Variants in HERC1 observed in about 807,000 individuals in gnomAD.
HERC1 encodes the protein probable E3 ubiquitin-protein ligase HERC1.
A neutral mutation model predicts 554.3 loss-of-function variants in HERC1; 160 were observed. The ratio of observed to expected loss-of-function variants is 0.29; its 90% CI spans 0.25 to 0.33. The LOEUF is 0.33. Ranked by LOEUF, HERC1 falls within the 10% of genes least tolerant of loss-of-function variation. HERC1 has a pLI of 1.00. For missense variants in HERC1, 4,919 were observed against 5,918.5 expected, an observed-to-expected ratio of 0.83 and a Z score of 5.54; for synonymous variants, 2,175 against 2,131.7, an observed-to-expected ratio of 1.02 and a Z score of -0.56.
intron 70 of HERC1, 32 bp from the exon 71 acceptor site, chr15:63,626,186 G>A (rs753504344): frequency 1.2e-6 from 2 of 1,601,088 alleles, no homozygotes; most frequent in African/African-American, 1.3e-5. Flanking sequence ...ACTTATGAAG[G>A]AAACAGCATT....
Position 63,756,680 on chromosome 15 carries a change from G to A in HERC1, c.1290C>T (p.Gly430=). The A allele has an allele frequency of 6.2e-7, 1 of 1,612,658 alleles. No homozygotes were observed. Among genetic ancestry groups the A allele is most frequent in the Non-Finnish European group, 8.5e-7 (1 of 1,179,172 alleles). The change falls in exon 5 of 78, where the codon GGC becomes GGT. Residue 430 remains glycine, a synonymous_variant. Coordinates refer to ENST00000443617, the MANE Select transcript of HERC1 (RefSeq NM_003922.4). The surrounding 1 kb of genome is among the most constrained non-coding windows in gnomAD (Gnocchi z 5.0). The part of the protein sequence containing the change: ...TDGSVRACGK[G]SYGRLGLGDS... ...CTCCAAGGCCCAGTCTCCCATAGCT[G>A]CCTTTCCCGCAAGCTCTAACAGAGC... is the stretch of plus-strand genomic sequence containing the variant.
At chr15:63,813,698 G>A (rs1187398765) in intron 1 of HERC1, among the ~76,000 whole-genome samples, 1 of 152,184 alleles carries the variant, frequency 6.6e-6, no homozygotes, top group Non-Finnish European at 1.5e-5. Flanking sequence ...ACCATTGTAT[G>A]CCTGTGTTTC....
At chr15:63,642,154 C>T (rs192096406) in intron 59 of HERC1, among the ~76,000 whole-genome samples, 4 of 152,164 alleles carry the variant, frequency 2.6e-5, no homozygotes, top group East Asian at 1.9e-4. Flanking sequence ...ATCAGCACAT[C>T]GGCTCTAATC....
Position 63,738,880 on chromosome 15 carries a change from G to A in HERC1, c.2521-4031C>T, listed in dbSNP as rs1364120557. On this transcript the variant is annotated intron_variant, in intron 12 of 77. Transcript: ENST00000443617. ...CCTTTTCAAAATCTTACACTACCCCGTTTCTGATAAATATTAAATCATCAC... is the reference window on the plus strand; with the variant it reads ...CCTTTTCAAAATCTTACACTACCCCATTTCTGATAAATATTAAATCATCAC... 3.3e-5 allele frequency among the ~76,000 whole-genome samples: 5 copies of A among 151,672 alleles called. No individual in the cohort carries two copies. In the South Asian group the frequency reaches 6.3e-4, roughly 19 times the overall value.
At chr15:63,800,330 C>T (rs1234012584) in intron 1 of HERC1, among the ~76,000 whole-genome samples, 1 of 152,220 alleles carries the variant, frequency 6.6e-6, no homozygotes, top group African/African-American at 2.4e-5. Flanking sequence ...ACTGACCTCT[C>T]CCCTTGCTCT....
chr15:63,661,607 C>A, intron 45 of HERC1, 146 bp downstream of exon 45: 1 of 777,742 alleles, frequency 1.3e-6, no homozygotes, highest in East Asian at 2.6e-5. Flanking sequence ...TCTGAAACCC[C>A]TCCATCCCTT....
intron 66 of HERC1, 97 bp downstream of exon 66, chr15:63,634,636 C>T (rs1406624027): frequency 2.1e-6 from 2 of 936,724 alleles, no homozygotes; most frequent in East Asian, 2.7e-5. Context: ...AGGTTAGGTA[C>T]AACTGGTGAT....
At chr15:63,642,934 A>T (rs553885393) in intron 59 of HERC1, 23 bp downstream of exon 59, 1 of 1,361,388 alleles carries the variant, frequency 7.3e-7, no homozygotes, top group East Asian at 2.3e-5. Context: ...ACACCCTATC[A>T]TTTGATATAA....
At chr15:63,681,572 G>A (rs951119536) in intron 34 of HERC1, among the ~76,000 whole-genome samples, 1 of 151,296 alleles carries the variant, frequency 6.6e-6, no homozygotes, top group Admixed American at 6.6e-5. Context: ...GACTGGTAAA[G>A]TTTCTTACAC....
At chr15:63,803,188 C>CA (rs1239191838) in intron 1 of HERC1, among the ~76,000 whole-genome samples, 1 of 151,588 alleles carries the variant, frequency 6.6e-6, no homozygotes, top group Non-Finnish European at 1.5e-5. Context: ...AACCCTGTCT[C>CA]AAAAAATAAA....
intron 14 of HERC1, among the ~76,000 whole-genome samples, chr15:63,732,212 G>C (rs189087851): frequency 6.6e-6 from 1 of 152,194 alleles, no homozygotes; most frequent in East Asian, 1.9e-4. Context: ...TATCGGCCAG[G>C]CTGGTCTCAA....
At chr15:63,719,057 T>G (rs2073692862) in intron 19 of HERC1, among the ~76,000 whole-genome samples, 160 bp from the exon 20 acceptor site, 2 of 152,226 alleles carry the variant, frequency 1.3e-5, no homozygotes, top group Admixed American at 1.3e-4. Context: ...TTCCAAGCGC[T>G]GTGGATATAG....
In HERC1 at chr15:63,690,655, G is replaced by T; in HGVS notation, c.5831-8C>A. The T allele has an allele frequency of 1.3e-6, 2 of 1,501,140 alleles. No individual in the cohort carries two copies. Among genetic ancestry groups the T allele is most frequent in the Non-Finnish European group, 1.8e-6 (2 of 1,086,594 alleles). The allele number at this position is 1,501,140 out of a possible 1,614,324, so 93.0% of individuals were successfully genotyped here. A position where few individuals can be genotyped will look rare whatever the true frequency, so the allele number is the denominator to read the frequency against. ...TACCAACCAGAGGGATACCTGGAGG[G>T]GAAAAGACCTTTTCTTATTATCAAT... On this transcript the variant is annotated splice_region_variant and splice_polypyrimidine_tract_variant and intron_variant, in intron 31 of 77. Transcript: ENST00000443617.
intron 19 of HERC1, among the ~76,000 whole-genome samples, chr15:63,719,508 C>A (rs1251076798): frequency 2.0e-5 from 3 of 152,234 alleles, no homozygotes; most frequent in Non-Finnish European, 4.4e-5. Context: ...AAATGAGAAG[C>A]AGCATTAGAA....
Position 63,689,612 on chromosome 15 carries a change from T to C in HERC1, c.6025A>G (p.Lys2009Glu), listed in dbSNP as rs1384125428. ...ACCTGTAGTTTTATTTCTTGTTCTT[T>C]TTCCTTTATCTGAATAGCATGTTTG... ...QAKHAIQIKE[K>E]EQEIKLQKQG... The change falls in exon 33 of 78, where the codon AAA (lysine) becomes GAA (glutamate). Residue 2009 changes from lysine to glutamate, a missense_variant. By Grantham distance (56) the Lys-to-Glu change is moderately conservative. Around this residue, in one of 11 missense-constraint regions of HERC1, gnomAD observed 1,121 missense variants for 1,244.0 expected, o/e 0.90. Coordinates refer to ENST00000443617, the MANE Select transcript of HERC1 (RefSeq NM_003922.4). 2 of 1,564,406 alleles carry C rather than the reference T, an allele frequency of 1.3e-6. No individual in the cohort carries two copies. Among genetic ancestry groups the C allele is most frequent in the South Asian group, 1.2e-5 (1 of 84,380 alleles).
At chr15:63,729,770 C>T in intron 14 of HERC1, 121 bp from the exon 15 acceptor site, 1 of 921,824 alleles carries the variant, frequency 1.1e-6, no homozygotes, top group African/African-American at 1.6e-5. Flanking sequence ...CACCTGTAAT[C>T]CCAGCACTTT....
At chr15:63,714,107 A>C (rs2073429892) in intron 22 of HERC1, among the ~76,000 whole-genome samples, 2 of 152,160 alleles carry the variant, frequency 1.3e-5, no homozygotes, top group Admixed American at 1.3e-4. Flanking sequence ...TTTGAAGCCC[A>C]TAAAAGCCTG....
At chr15:63,800,869 C>T (rs1176112315) in intron 1 of HERC1, among the ~76,000 whole-genome samples, 1 of 145,914 alleles carries the variant, frequency 6.9e-6, no homozygotes, top group Non-Finnish European at 1.5e-5. Context: ...AGGATGAAGG[C>T]TGGTTGCCAG....
rs1056950115 is a variant in HERC1, at chr15:63,758,858, T to TA, written c.1027-490dup. Among the ~76,000 whole-genome samples the TA allele has an allele frequency of 6.6e-5, 10 of 152,022 alleles. No homozygotes were observed. The highest frequency in any genetic ancestry group is 1.5e-5 in the Non-Finnish European group (1 of 67,992). ...ATTGAATAGATAATATTCCATCTAG[T>TA]AAAAAACATCACAATGTACTCAACC... On this transcript the variant is annotated intron_variant, in intron 3 of 77. Transcript: ENST00000443617. The surrounding 1 kb of genome is among the most constrained non-coding windows in gnomAD (Gnocchi z 4.0).
Sources: gnomAD v4.1 joint callset for allele counts (sites outside exome capture counted in the v4.1 genomes callset) on GRCh38, gnomAD v4.1.1 for gene constraint, gnomAD v4.1.1 regional missense constraint, Gnocchi (gnomAD v3.1) non-coding constraint, MANE v1.5 for transcripts, NCBI Gene and HGNC (gene_info 2026-07-23, HGNC 2026-07-21) for gene names.